The following NRG1 variants were observed in gnomAD, a reference collection of about 807,000 sequenced individuals.
NRG1 encodes neuregulin 1.
Under a neutral mutation model 63.8 loss-of-function variants are expected in NRG1, and 18 were observed. The ratio of observed to expected loss-of-function variants is 0.28; its 90% CI spans 0.19 to 0.42. The LOEUF (loss-of-function observed/expected upper bound fraction) is 0.42, where lower values mean the gene tolerates loss of function less well. Among genes scored for constraint, NRG1 ranks in the 10% least tolerant of loss-of-function variants. The pLI is 1.00. For missense variants in NRG1, 762 were observed against 814.7 expected, an observed-to-expected ratio of 0.94 and a Z score of 0.79; for synonymous variants, 302 against 301.3, an observed-to-expected ratio of 1.00 and a Z score of -0.02.
chr8:32,148,067 G>T (rs1417301867), intron 1 of NRG1, among the ~76,000 whole-genome samples: 1 of 152,036 alleles, frequency 6.6e-6, no homozygotes, highest in African/African-American at 2.4e-5. Context: ...GTTATTATGT[G>T]CAATAATAAT....
chr8:32,204,243 C>T lies in NRG1; in HGVS notation c.38-391585C>T, dbSNP rs555415878. Among the ~76,000 whole-genome samples the T allele has an allele frequency of 2.8e-4, 42 of 152,308 alleles. No homozygotes were observed. In the South Asian group the frequency reaches 8.1e-3, roughly 29 times the overall value. On this transcript the variant is annotated intron_variant, in intron 1 of 10. Transcript: ENST00000519301. ...GGCTTTGCTTGCAAAAACTTCAGCT[C>T]TTACTTGGTATAAGACAGCAAACCA...
chr8:31,704,048 T>G (rs1469551750), intron 1 of NRG1, among the ~76,000 whole-genome samples: 1 of 152,224 alleles, frequency 6.6e-6, no homozygotes, highest in Non-Finnish European at 1.5e-5. Context: ...TTGTTACTTC[T>G]TGGCTTCAAC....
intron 1 of NRG1, among the ~76,000 whole-genome samples, chr8:32,162,453 G>A (rs939545209): frequency 6.6e-6 from 1 of 152,072 alleles, no homozygotes; most frequent in Admixed American, 6.6e-5. Flanking sequence ...ACAAAACTCA[G>A]ACTCATGGTG....
chr8:32,672,710 A>G (rs1199865227), intron 5 of NRG1, among the ~76,000 whole-genome samples: 1 of 152,192 alleles, frequency 6.6e-6, no homozygotes, highest in Non-Finnish European at 1.5e-5. Context: ...GATCAAAAAC[A>G]ATCTTGCAAT....
In NRG1 at chr8:32,152,491, A is replaced by G. The variant is rs146907971; in HGVS notation, c.38-443337A>G. Among the ~76,000 whole-genome samples, 501 of 152,354 alleles carry G rather than the reference A, an allele frequency of 3.3e-3. 1 individual carries two copies. Among genetic ancestry groups the G allele is most frequent in the South Asian group, 0.023 (113 of 4,832 alleles). On this transcript the variant is annotated intron_variant, in intron 1 of 10. Transcript: ENST00000519301. ...CAACTAATTAATACTTATAACTCAGATAATTCAGGAGACGATCAATGATTA... is the reference window on the plus strand; with the variant it reads ...CAACTAATTAATACTTATAACTCAGGTAATTCAGGAGACGATCAATGATTA...
intron 1 of NRG1, among the ~76,000 whole-genome samples, chr8:32,261,168 A>G (rs1027533298): frequency 6.6e-6 from 1 of 152,184 alleles, no homozygotes; most frequent in African/African-American, 2.4e-5. Flanking sequence ...TAAGTGTGGC[A>G]CAGTTGTCCA....
At chr8:32,051,403 T>C (rs1021356526) in intron 1 of NRG1, among the ~76,000 whole-genome samples, 1 of 152,084 alleles carries the variant, frequency 6.6e-6, no homozygotes, top group Non-Finnish European at 1.5e-5. Flanking sequence ...GCATAGAATG[T>C]GTAGTGATTA....
chr8:31,683,741 G>C (rs570756756), intron 1 of NRG1, among the ~76,000 whole-genome samples: 3 of 152,110 alleles, frequency 2.0e-5, no homozygotes, highest in African/African-American at 4.8e-5. Context: ...TGCAACAAAG[G>C]TACCACTGTG....
chr8:32,587,334 G>A (rs1401187401), intron 1 of NRG1, among the ~76,000 whole-genome samples: 1 of 152,182 alleles, frequency 6.6e-6, no homozygotes, highest in Non-Finnish European at 1.5e-5. Flanking sequence ...CAAGGAACAT[G>A]ACCAGGGTCT....
chr8:32,555,214 C>T (rs1345144142), intron 1 of NRG1, among the ~76,000 whole-genome samples: 1 of 152,142 alleles, frequency 6.6e-6, no homozygotes, highest in East Asian at 1.9e-4. Context: ...TACAACAGCT[C>T]CCTCCCACTG....
chr8:31,646,191 T>C (rs1378241656), intron 1 of NRG1, among the ~76,000 whole-genome samples: 3 of 152,210 alleles, frequency 2.0e-5, no homozygotes, highest in Non-Finnish European at 4.4e-5. Flanking sequence ...AGGCTTTCTC[T>C]CCAAAGCCCA....
At chr8:32,488,602 C>T (rs931894580) in intron 1 of NRG1, among the ~76,000 whole-genome samples, 2 of 145,794 alleles carry the variant, frequency 1.4e-5, no homozygotes, top group East Asian at 4.4e-4. Flanking sequence ...ATGGCAAAAC[C>T]CCATCTCTAC....
intron 1 of NRG1, among the ~76,000 whole-genome samples, chr8:32,164,629 T>C (rs1299568302): frequency 6.6e-6 from 1 of 152,148 alleles, no homozygotes; most frequent in Non-Finnish European, 1.5e-5. Flanking sequence ...AAAACTACCA[T>C]CCATTGTCAT....
chr8:32,408,677 A>T (rs1251037978), intron 1 of NRG1, among the ~76,000 whole-genome samples: 1 of 152,210 alleles, frequency 6.6e-6, no homozygotes, highest in African/African-American at 2.4e-5. Context: ...CAGGTTGTTC[A>T]TACCTGAATG....
chr8:31,931,374 A>C (rs1046279432), intron 1 of NRG1, among the ~76,000 whole-genome samples: 2 of 152,180 alleles, frequency 1.3e-5, no homozygotes, highest in Non-Finnish European at 2.9e-5. Context: ...AGGCTTGGAC[A>C]ACAAGCATAC....
At chr8:32,485,498 C>T (rs1365401709) in intron 1 of NRG1, among the ~76,000 whole-genome samples, 1 of 152,232 alleles carries the variant, frequency 6.6e-6, no homozygotes, top group Non-Finnish European at 1.5e-5. Context: ...TGTCTGTCCT[C>T]TTTCTCCACC....
intron 1 of NRG1, among the ~76,000 whole-genome samples, chr8:31,840,898 T>C (rs1215552835): frequency 6.6e-6 from 1 of 152,174 alleles, no homozygotes; most frequent in Non-Finnish European, 1.5e-5. Flanking sequence ...AGTTTTTTTT[T>C]AGGCTTGGCC....
intron 1 of NRG1, among the ~76,000 whole-genome samples, chr8:32,236,113 TTG>T (rs149466320): frequency 2.7e-5 from 4 of 148,596 alleles, no homozygotes; most frequent in Admixed American, 6.8e-5. Flanking sequence ...TAAGATTTTT[TTG>T]TTTTTGTGTG....
intron 1 of NRG1, among the ~76,000 whole-genome samples, chr8:32,115,183 A>G (rs2131495788): frequency 6.6e-6 from 1 of 151,856 alleles, no homozygotes; most frequent in Middle Eastern, 3.4e-3. Context: ...GGCATATACC[A>G]CCATGCCTGG....
Sources: allele counts gnomAD v4.1 joint callset (sites outside exome capture counted in the v4.1 genomes callset), GRCh38; gene constraint gnomAD v4.1.1; transcripts MANE v1.5; gene names NCBI Gene and HGNC (gene_info 2026-07-23, HGNC 2026-07-21).